The following DIAPH1 variants were observed in gnomAD, a reference collection of about 807,000 sequenced individuals.
DIAPH1 encodes protein diaphanous homolog 1.
A neutral mutation model predicts 140.7 loss-of-function variants in DIAPH1; 46 were observed. The observed-to-expected ratio is 0.33, with a 90% CI of 0.26 to 0.42. The LOEUF (loss-of-function observed/expected upper bound fraction) is 0.42, where lower values mean the gene tolerates loss of function less well. Among genes scored for constraint, DIAPH1 ranks in the 10% least tolerant of loss-of-function variants. The pLI, the probability that DIAPH1 is intolerant of heterozygous loss-of-function variation, is 1.00. For missense variants in DIAPH1, 1,310 were observed against 1,558.7 expected (o/e 0.84, Z 2.69); for synonymous variants, 565 against 551.6 (o/e 1.02, Z -0.34).
chr5:141,517,088 G>A (rs1216786757), intron 27 of DIAPH1, 80 bp from the exon 28 acceptor site: 29 of 1,551,448 alleles, frequency 1.9e-5, no homozygotes, highest in Admixed American at 3.6e-5. Context: ...GATAATCAGC[G>A]TAAGCCATGC....
chr5:141,600,545 A>G (rs2099899986), intron 1 of DIAPH1, among the ~76,000 whole-genome samples: 1 of 152,216 alleles, frequency 6.6e-6, no homozygotes, highest in African/African-American at 2.4e-5. Context: ...AAGGCTCATG[A>G]GTCCTGATTT....
At chr5:141,541,825 G>A (rs754220646) in intron 18 of DIAPH1, among the ~76,000 whole-genome samples, 9 of 152,120 alleles carry the variant, frequency 5.9e-5, no homozygotes, top group Non-Finnish European at 1.0e-4. Flanking sequence ...TTTCAGTTAT[G>A]TGAACAAAAG....
At position 141,565,323 on chromosome 5, in the gene DIAPH1, A is replaced by G. The variant is rs2099894209; in HGVS notation, c.2482+6105T>C. The stretch of plus-strand genomic sequence containing the variant: ...CTTTTCCAGTAAAGTTTTATTCAAA[A>G]ATTTACCTTTCTCACTTGAACTAAA... On this transcript the variant is annotated intron_variant, in intron 18 of 27. Coordinates refer to ENST00000389054, the MANE Select transcript of DIAPH1 (RefSeq NM_005219.5). This position sits in a 1 kb window ranked among gnomAD's most constrained non-coding sequence, Gnocchi z 4.3. 6.6e-6 allele frequency: 1 copy of G among 152,196 alleles called. No homozygotes were observed. Among genetic ancestry groups the G allele is most frequent in the Non-Finnish European group, 1.5e-5 (1 of 68,038 alleles). 9.4% of individuals were successfully genotyped at this position (152,196 alleles called of 1,614,324 possible).
In DIAPH1 at chr5:141,517,025, G is replaced by A. The variant is rs371640300; in HGVS notation, c.3662-17C>T. 163 of 1,613,940 alleles carry A rather than the reference G, an allele frequency of 1.0e-4. 3 individuals are homozygous for A. In the South Asian group the frequency reaches 1.2e-3, roughly 12 times the overall value. On this transcript the variant is annotated splice_polypyrimidine_tract_variant and intron_variant, in intron 27 of 27. Coordinates refer to ENST00000389054, the MANE Select transcript of DIAPH1 (RefSeq NM_005219.5). ...TCCTGTTGGCTGCAAGAGAAGACGA[G>A]AGATTCTGTCTATGGAAGGCCTCAT... is the stretch of plus-strand genomic sequence containing the variant.
chr5:141,593,824 CTTTTTTTCTTTTT>C (rs1358967111), intron 1 of DIAPH1, among the ~76,000 whole-genome samples: 1 of 152,078 alleles, frequency 6.6e-6, no homozygotes, highest in Non-Finnish European at 1.5e-5. Flanking sequence ...ACTTTCTTTT[CTTTTTTTCTTTTT>C]GAGATGGAGT....
intron 27 of DIAPH1, among the ~76,000 whole-genome samples, chr5:141,518,132 CAAGGG>C (rs1314255035): frequency 1.3e-5 from 2 of 152,038 alleles, no homozygotes; most frequent in East Asian, 3.8e-4. Flanking sequence ...TTGCCAGAGG[CAAGGG>C]GAGGGGAGAA....
At chr5:141,525,640 G>A (rs2099887218) in intron 26 of DIAPH1, among the ~76,000 whole-genome samples, 1 of 152,078 alleles carries the variant, frequency 6.6e-6, no homozygotes, top group Non-Finnish European at 1.5e-5. Flanking sequence ...AGAAAGGGAA[G>A]ACACGCCACA....
In DIAPH1 at chr5:141,519,271, C is replaced by T. The variant is rs35990401; in HGVS notation, c.3662-2263G>A. 7.6e-3 allele frequency among the ~76,000 whole-genome samples: 1,151 copies of T among 152,282 alleles called. 19 individuals carry two copies. The highest frequency in any genetic ancestry group is 0.026 in the African/African-American group (1,093 of 41,544). ...CATTTCCACTCTCTTCTGAAGTACT[C>T]CCTCTCTAGACCCCATTTCTCATAT... is the stretch of plus-strand genomic sequence containing the variant. On this transcript the variant is annotated intron_variant, in intron 27 of 27. Transcript: ENST00000389054.
chr5:141,571,089 A>G (rs964331398), intron 18 of DIAPH1, among the ~76,000 whole-genome samples: 2 of 152,188 alleles, frequency 1.3e-5, no homozygotes, highest in Non-Finnish European at 2.9e-5. Flanking sequence ...GCTTCTCTGC[A>G]TATCAAATAG....
chr5:141,618,985 G>T lies in DIAPH1; in HGVS notation c.-71C>A. 1.2e-6 allele frequency: 1 copy of T among 835,664 alleles called. No homozygotes were observed. The highest frequency in any genetic ancestry group is 1.7e-6 in the Non-Finnish European group (1 of 593,430). 51.8% of individuals were successfully genotyped at this position (835,664 alleles called of 1,614,324 possible). On this transcript the variant is annotated 5_prime_UTR_variant, in exon 1 of 28. Transcript: ENST00000389054. Reference sequence around the variant, plus strand: ...GCCTGGCAGCTCCGCGCCCGCCGCCGCCCAGTCGCTCTTTAGCCAGCCGCC... The same window carrying T: ...GCCTGGCAGCTCCGCGCCCGCCGCCTCCCAGTCGCTCTTTAGCCAGCCGCC...
intron 1 of DIAPH1, chr5:141,589,278 G>C (rs1016558622): frequency 6.6e-6 from 1 of 152,354 alleles, no homozygotes; most frequent in Non-Finnish European, 1.5e-5. Flanking sequence ...ACCTTCGTTG[G>C]GAGTGCCCTT....
chr5:141,587,266 T>G, intron 2 of DIAPH1, 69 bp from the exon 3 acceptor site: 2 of 1,526,998 alleles, frequency 1.3e-6, no homozygotes, highest in Admixed American at 1.8e-5. Context: ...CATCAAATTC[T>G]TTACCCCTTT....
At chr5:141,568,628 G>C (rs1420369136) in intron 18 of DIAPH1, among the ~76,000 whole-genome samples, 4 of 152,088 alleles carry the variant, frequency 2.6e-5, no homozygotes, top group Non-Finnish European at 1.5e-5. Flanking sequence ...CACATATTCT[G>C]CTTCAGAATA....
In DIAPH1 at chr5:141,618,782, T is replaced by C; in HGVS notation, c.117+16A>G. On this transcript the variant is annotated intron_variant, in intron 1 of 27. Transcript: ENST00000389054. The stretch of plus-strand genomic sequence containing the variant: ...GTTACGGGGCCAGGCAGGAGCGGGA[T>C]GGGAGGGACACTCACAAATTTCTTA... The C allele has an allele frequency of 1.3e-6, 2 of 1,527,726 alleles. No homozygotes were observed. Among genetic ancestry groups the C allele is most frequent in the Non-Finnish European group, 1.8e-6 (2 of 1,124,586 alleles). 94.6% of individuals were successfully genotyped at this position (1,527,726 alleles called of 1,614,324 possible).
intron 9 of DIAPH1, among the ~76,000 whole-genome samples, chr5:141,578,833 GTA>G (rs1368755943): frequency 6.6e-6 from 1 of 152,180 alleles, no homozygotes; most frequent in African/African-American, 2.4e-5. Flanking sequence ...GGATTTGAGA[GTA>G]TATGTTATTG....
rs1182110450 is a variant in DIAPH1, at chr5:141,579,931, G to C, written c.825-735C>G. On this transcript the variant is annotated intron_variant, in intron 8 of 27. Transcript: ENST00000389054. ...CCACTGCACTCCAGCCTGGGGAACAGAGCGAGCCTCCGTCTCAAAAAAAAA... is the reference window on the plus strand; with the variant it reads ...CCACTGCACTCCAGCCTGGGGAACACAGCGAGCCTCCGTCTCAAAAAAAAA... 2.0e-5 allele frequency among the ~76,000 whole-genome samples: 3 copies of C among 147,550 alleles called. No individual in the cohort carries two copies. In the East Asian group the frequency reaches 6.0e-4, roughly 29 times the overall value.
chr5:141,528,980 A>G, intron 21 of DIAPH1, 39 bp from the exon 22 acceptor site: 1 of 1,613,602 alleles, frequency 6.2e-7, no homozygotes, highest in South Asian at 1.1e-5. Flanking sequence ...CAGTCAAAAG[A>G]GGGGGAAGTC....
rs373413837 is a variant in DIAPH1, at chr5:141,575,085, T to C, written c.1523A>G (p.Asp508Gly). 1.3e-4 allele frequency: 210 copies of C among 1,614,200 alleles called. 3 individuals carry two copies. In the South Asian group the frequency reaches 2.2e-3, roughly 17 times the overall value. The change falls in exon 15 of 28, where the codon GAC (aspartate) becomes GGC (glycine). Residue 508 changes from aspartate (D) to glycine (G), a missense_variant. Coordinates refer to ENST00000389054, the MANE Select transcript of DIAPH1 (RefSeq NM_005219.5). ...LQVEMKKMES[D>G]FEQKLQDLQG... ...AAGATCTTGAAGCTTCTGCTCAAAG[T>C]CACTTTCCATCTTTTTCATTTCCAC... is the stretch of plus-strand genomic sequence containing the variant.
chr5:141,576,690 G>A, intron 13 of DIAPH1, 66 bp downstream of exon 13: 1 of 1,143,100 alleles, frequency 8.7e-7, no homozygotes. Flanking sequence ...CATTTTCACT[G>A]AAACAAGATG....
Sources: allele counts gnomAD v4.1 joint callset (sites outside exome capture counted in the v4.1 genomes callset), GRCh38; gene constraint gnomAD v4.1.1; non-coding constraint Gnocchi (gnomAD v3.1); transcripts MANE v1.5; gene names NCBI Gene and HGNC (gene_info 2026-07-23, HGNC 2026-07-21).